The following RTKN2 variants were observed in gnomAD, a reference collection of about 807,000 sequenced individuals.
RTKN2 encodes rhotekin 2.
In RTKN2, 69 loss-of-function variants were observed where a neutral mutation model predicts 71.5. That is an observed-to-expected ratio of 0.96 (90% confidence interval 0.79 to 1.18). The LOEUF (loss-of-function observed/expected upper bound fraction) is 1.18. RTKN2 is among the 50% of genes most tolerant of loss of function. RTKN2 has a pLI of 0.00. For missense variants in RTKN2, 724 were observed against 719.7 expected (o/e 1.01, Z -0.07); for synonymous variants, 236 against 236.5 (o/e 1.00, Z 0.02).
At chr10:62,211,308 G>A (rs187103829) in intron 9 of RTKN2, among the ~76,000 whole-genome samples, 1 of 152,240 alleles carries the variant, frequency 6.6e-6, no homozygotes, top group East Asian at 1.9e-4. Flanking sequence ...ACAATGGGAG[G>A]GGAATAGCTC....
At position 62,198,439 on chromosome 10, in the gene RTKN2, A is replaced by C. The variant is rs905001014; in HGVS notation, c.1299T>G (p.Ile433Met). 8 of 1,459,878 alleles carry C rather than the reference A, an allele frequency of 5.5e-6. No homozygotes were observed. In the South Asian group the frequency reaches 9.0e-5, roughly 17 times the overall value. The allele number at this position is 1,459,878 out of a possible 1,614,324, so 90.4% of individuals were successfully genotyped here. Residue 433 changes from isoleucine to methionine, a missense_variant, in exon 12 of 12, where the codon ATT becomes ATG. Coordinates refer to ENST00000373789, the MANE Select transcript of RTKN2 (RefSeq NM_145307.4). ...EATSVYHDMS[I>M]DSPMKLESLT... is the part of the protein sequence containing the mutation. ...AACTTTCAAGTTTCATAGGTGAATC[A>C]ATGCCTATAATAATTTTAAGAAAAA...
chr10:62,204,914 T>C lies in RTKN2; in HGVS notation c.1129A>G (p.Asn377Asp), dbSNP rs747985730. 2 of 1,601,672 alleles carry C rather than the reference T, an allele frequency of 1.2e-6. No individual in the cohort carries two copies. Among genetic ancestry groups the C allele is most frequent in the Non-Finnish European group, 1.7e-6 (2 of 1,175,926 alleles). The change falls in exon 10 of 12, where the codon AAT (asparagine) becomes GAT (aspartate). Residue 377 changes from asparagine (N) to aspartate (D), a missense_variant. Coordinates refer to ENST00000373789, the MANE Select transcript of RTKN2 (RefSeq NM_145307.4). The stretch of plus-strand genomic sequence containing the variant: ...ATCCACTTCTGAAGATCTTCTCTAT[T>C]GTCAACTGCAAAAATCTGAGTTATA... ...QAITQIFAVD[N>D]REDLQKWMEA...
chr10:62,188,608 C>T (rs759047964), downstream of RTKN2, among the ~76,000 whole-genome samples: 6 of 152,036 alleles, frequency 3.9e-5, no homozygotes, highest in African/African-American at 1.4e-4. Flanking sequence ...TTCCCATATC[C>T]GCGGAGCCCA....
chr10:62,247,437 G>T (rs1842499828), intron 2 of RTKN2, among the ~76,000 whole-genome samples: 1 of 151,872 alleles, frequency 6.6e-6, no homozygotes, highest in Non-Finnish European at 1.5e-5. Context: ...AAATAATGCA[G>T]TATATTTAAA....
In RTKN2 at chr10:62,197,735, G is replaced by T; in HGVS notation, c.*173C>A. The T allele has an allele frequency of 7.1e-7, 1 of 1,413,706 alleles. No individual in the cohort carries two copies. Among genetic ancestry groups the T allele is most frequent in the Non-Finnish European group, 9.2e-7 (1 of 1,090,362 alleles). The allele number at this position is 1,413,706 out of a possible 1,614,324, so 87.6% of individuals were successfully genotyped here. ...ATCACTTACATTCTGCAAATCAGGA[G>T]TAAAAGAGAAATCCACTTCTTCATT... On this transcript the variant is annotated 3_prime_UTR_variant, in exon 12 of 12. Coordinates refer to ENST00000373789, the MANE Select transcript of RTKN2 (RefSeq NM_145307.4).
Position 62,236,141 on chromosome 10 carries a change from G to C in RTKN2, c.611C>G (p.Ala204Gly), listed in dbSNP as rs1842253902. 1.2e-6 allele frequency: 2 copies of C among 1,612,462 alleles called. No homozygotes were observed. Among genetic ancestry groups the C allele is most frequent in the East Asian group, 4.5e-5 (2 of 44,762 alleles). ...CACTGAACTTATTTTCTTTCCTGTA[G>C]CTTTACTTATAGATGTCTTGAGTTT... ...AKKLKTSISK[A>G]TGKKISSVLQ... Residue 204 changes from alanine to glycine, a missense_variant, in exon 6 of 12, where the codon GCT becomes GGT. Physicochemically the swap from Ala to Gly is moderately conservative, Grantham distance 60. Coordinates refer to ENST00000373789, the MANE Select transcript of RTKN2 (RefSeq NM_145307.4).
intron 2 of RTKN2, among the ~76,000 whole-genome samples, chr10:62,260,067 C>G (rs1407887299): frequency 6.6e-6 from 1 of 152,192 alleles, no homozygotes; most frequent in Non-Finnish European, 1.5e-5. Flanking sequence ...AGAAGGTAGA[C>G]TAGTGTTCTC....
At chr10:62,205,514 T>C (rs1841532918) in intron 9 of RTKN2, among the ~76,000 whole-genome samples, 1 of 152,194 alleles carries the variant, frequency 6.6e-6, no homozygotes, top group Non-Finnish European at 1.5e-5. Context: ...AGTAAAACCG[T>C]AACTTAGTGT....
intron 2 of RTKN2, among the ~76,000 whole-genome samples, chr10:62,259,657 T>A (rs948244142): frequency 6.6e-6 from 1 of 152,186 alleles, no homozygotes; most frequent in African/African-American, 2.4e-5. Context: ...GCTTGAGCAA[T>A]CCTCCCGCCT....
At chr10:62,253,645 C>T (rs147265459) in intron 2 of RTKN2, among the ~76,000 whole-genome samples, 174 of 152,174 alleles carry the variant, frequency 1.1e-3, no homozygotes, top group African/African-American at 3.9e-3. Flanking sequence ...GATTAAAATG[C>T]AATTTTAATC....
At chr10:62,190,579 G>T (rs1180385301), downstream of RTKN2, among the ~76,000 whole-genome samples, 2 of 152,098 alleles carry the variant, frequency 1.3e-5, no homozygotes, top group African/African-American at 4.8e-5. Flanking sequence ...AGATCAATTT[G>T]AGACAAACAC....
chr10:62,260,477 T>A (rs1322278291), intron 2 of RTKN2, among the ~76,000 whole-genome samples: 1 of 152,180 alleles, frequency 6.6e-6, no homozygotes, highest in Admixed American at 6.5e-5. Context: ...AAGATTTTTT[T>A]AAATTCCAGC....
chr10:62,240,866 T>G (rs575806036), intron 4 of RTKN2, among the ~76,000 whole-genome samples: 1 of 152,200 alleles, frequency 6.6e-6, no homozygotes, highest in African/African-American at 2.4e-5. Flanking sequence ...TTTTGTTCCA[T>G]ATTTCCCTTC....
chr10:62,258,604 T>TCCC (rs1265951603), intron 2 of RTKN2, among the ~76,000 whole-genome samples: 3 of 152,216 alleles, frequency 2.0e-5, no homozygotes, highest in Non-Finnish European at 2.9e-5. Context: ...AAATACTTGT[T>TCCC]TTTATCATAC....
At chr10:62,199,574 T>C (rs1357730986) in intron 11 of RTKN2, among the ~76,000 whole-genome samples, 180 bp downstream of exon 11, 1 of 152,234 alleles carries the variant, frequency 6.6e-6, no homozygotes, top group Non-Finnish European at 1.5e-5. Flanking sequence ...CGTGTATTCA[T>C]TATTTTGTAT....
At position 62,215,064 on chromosome 10, in the gene RTKN2, C is replaced by T. The variant is rs536051486; in HGVS notation, c.1020+2054G>A. ...TGAGATATGGCGAGTTGAATTCCTT[C>T]GAGACTGTCTTCAAATAAAACTAAT... On this transcript the variant is annotated intron_variant, in intron 9 of 11. Coordinates refer to ENST00000373789, the MANE Select transcript of RTKN2 (RefSeq NM_145307.4). 5.5e-5 allele frequency: 84 copies of T among 1,518,978 alleles called. No individual in the cohort carries two copies. In the African/African-American group the frequency reaches 7.6e-4, roughly 14 times the overall value. The allele number at this position is 1,518,978 out of a possible 1,614,324, so 94.1% of individuals were successfully genotyped here. A position where few individuals can be genotyped will look rare whatever the true frequency, so the allele number is the denominator to read the frequency against.
chr10:62,222,775 G>T (rs1462820949), intron 7 of RTKN2, among the ~76,000 whole-genome samples: 2 of 151,982 alleles, frequency 1.3e-5, no homozygotes, highest in Admixed American at 6.6e-5. Context: ...CTTTATTTTG[G>T]ATAAACTATA....
At chr10:62,252,980 A>G (rs1240566015) in intron 2 of RTKN2, among the ~76,000 whole-genome samples, 1 of 152,134 alleles carries the variant, frequency 6.6e-6, no homozygotes, top group Non-Finnish European at 1.5e-5. Context: ...ACATAATATA[A>G]AAGAATATTA....
rs951311961 is a variant in RTKN2, at chr10:62,197,182, A to G, written c.*726T>C. ...CACAATGGAAATTAGCACCACACAC[A>G]GAAAATTGAATGTAAAGAGCATTTC... On this transcript the variant is annotated 3_prime_UTR_variant, in exon 12 of 12. Transcript: ENST00000373789. 3.7e-5 allele frequency: 36 copies of G among 985,554 alleles called. No homozygotes were observed. The highest frequency in any genetic ancestry group is 1.0e-3 in the Middle Eastern group (2 of 1,936). The allele number at this position is 985,554 out of a possible 1,614,324, so 61.1% of individuals were successfully genotyped here. A position where few individuals can be genotyped will look rare whatever the true frequency, so the allele number is the denominator to read the frequency against.
Sources: gnomAD v4.1 joint callset for allele counts (sites outside exome capture counted in the v4.1 genomes callset) on GRCh38, gnomAD v4.1.1 for gene constraint, MANE v1.5 for transcripts, NCBI Gene and HGNC (gene_info 2026-07-23, HGNC 2026-07-21) for gene names.